The following LAMB4 variants were observed in gnomAD, a reference collection of about 807,000 sequenced individuals.
LAMB4 encodes the protein laminin subunit beta 4.
A neutral mutation model predicts 199.2 loss-of-function variants in LAMB4; 196 were observed. The observed-to-expected ratio is 0.98, with a 90% CI of 0.88 to 1.11. The LOEUF (loss-of-function observed/expected upper bound fraction) is 1.11. Ranked by LOEUF, LAMB4 falls within the 50% of genes least tolerant of loss-of-function variation. The pLI, the probability that LAMB4 is intolerant of heterozygous loss-of-function variation, is 0.00. For missense variants in LAMB4, 2,080 were observed against 2,171.2 expected, an observed-to-expected ratio of 0.96 and a Z score of 0.83; for synonymous variants, 744 against 770.6, an observed-to-expected ratio of 0.97 and a Z score of 0.57.
rs1459291337 is a variant in LAMB4, at chr7:108,098,523, G to T, written c.1240C>A (p.Pro414Thr). 6 of 1,613,750 alleles carry T rather than the reference G, an allele frequency of 3.7e-6. No homozygotes were observed. The highest frequency in any genetic ancestry group is 4.2e-6 in the Non-Finnish European group (5 of 1,179,996). The change falls in exon 11 of 34, where the codon CCT (proline) becomes ACT (threonine). Residue 414 changes from proline to threonine, a missense_variant. Pro to Thr is a conservative substitution (Grantham distance 38). Coordinates refer to ENST00000388781, the MANE Select transcript of LAMB4 (RefSeq NM_007356.3). ...TGGCCGGCCACAGACCCTAAGGCAG[G>T]ATCAGAGTGGCTCACACAAATGCCA... ...SGGICVSHSD[P>T]ALGSVAGQCL...
At chr7:108,038,305 A>G (rs556811623) in intron 29 of LAMB4, among the ~76,000 whole-genome samples, 2 of 152,116 alleles carry the variant, frequency 1.3e-5, no homozygotes, top group East Asian at 1.9e-4. Context: ...GATTACAGGT[A>G]TGCACCACCA....
chr7:108,078,379 A>C, intron 15 of LAMB4, 63 bp from the exon 16 acceptor site: 1 of 1,008,496 alleles, frequency 9.9e-7, no homozygotes, highest in Non-Finnish European at 1.5e-6. Context: ...TTGCACGTAC[A>C]CACATATAGC....
chr7:108,018,543 T>G, the LAMB4 span, among the ~76,000 whole-genome samples: 1 of 152,032 alleles, frequency 6.6e-6, no homozygotes, highest in South Asian at 2.1e-4. Context: ...ATCAAGACCA[T>G]CCTGGCTAAC....
chr7:108,059,096 A>AATT, intron 23 of LAMB4, among the ~76,000 whole-genome samples: 1 of 126,040 alleles, frequency 7.9e-6, no homozygotes, highest in South Asian at 2.4e-4. Flanking sequence ...ACAATCTGCC[A>AATT]CTTTTTTTTT....
chr7:108,058,444 A>G (rs2036055854), intron 23 of LAMB4, among the ~76,000 whole-genome samples: 1 of 152,232 alleles, frequency 6.6e-6, no homozygotes, highest in South Asian at 2.1e-4. Context: ...TGTGTTTTTC[A>G]GAGAGGGCTG....
intron 25 of LAMB4, among the ~76,000 whole-genome samples, chr7:108,055,217 A>G (rs928082542): frequency 6.9e-6 from 1 of 145,824 alleles, no homozygotes; most frequent in Non-Finnish European, 1.5e-5. Flanking sequence ...ACAGAGTTTC[A>G]CTCTTGTCGC....
chr7:108,096,596 T>A (rs1281737160), intron 11 of LAMB4, among the ~76,000 whole-genome samples: 1 of 151,988 alleles, frequency 6.6e-6, no homozygotes, highest in Non-Finnish European at 1.5e-5. Context: ...ATTATTGAAT[T>A]GTTTACAGGG....
intron 7 of LAMB4, 76 bp downstream of exon 7, chr7:108,106,433 G>T: frequency 1.2e-6 from 1 of 819,918 alleles, no homozygotes; most frequent in Non-Finnish European, 1.9e-6. Context: ...AAAAAAAAAA[G>T]AAAAGCAATT....
intron 10 of LAMB4, among the ~76,000 whole-genome samples, chr7:108,099,607 T>C (rs555255143): frequency 2.0e-5 from 3 of 152,342 alleles, no homozygotes; most frequent in South Asian, 4.1e-4. Flanking sequence ...TGTACCTTTG[T>C]GGTTCTGTGT....
downstream of LAMB4, among the ~76,000 whole-genome samples, chr7:108,020,068 C>T (rs961422948): frequency 2.0e-4 from 30 of 152,156 alleles, no homozygotes; most frequent in African/African-American, 6.5e-4. Context: ...TCTCTGACTC[C>T]TCCCCTCACT....
In LAMB4 at chr7:108,078,299, A is replaced by T; in HGVS notation, c.1905T>A (p.Thr635=). ...HYETQSAADW[T]VQIVVNPPGG... ...CAGGGGGGTTCACCACAATCTGGAC[A>T]GTCCAGTCAGCTGCAGACTAGACAG... The change falls in exon 16 of 34, where the codon ACT becomes ACA. Residue 635 remains threonine, a synonymous_variant. Coordinates refer to ENST00000388781, the MANE Select transcript of LAMB4 (RefSeq NM_007356.3). The T allele has an allele frequency of 6.2e-7, 1 of 1,604,976 alleles. No homozygotes were observed. The highest frequency in any genetic ancestry group is 1.1e-5 in the South Asian group (1 of 89,322).
At chr7:108,046,292 T>C (rs951832234) in intron 28 of LAMB4, among the ~76,000 whole-genome samples, 50 of 150,684 alleles carry the variant, frequency 3.3e-4, no homozygotes, top group African/African-American at 1.1e-3. Flanking sequence ...GGTTTCACCA[T>C]GTTGGCCAGG....
At chr7:108,015,108 T>A in the LAMB4 span, among the ~76,000 whole-genome samples, 2 of 152,206 alleles carry the variant, frequency 1.3e-5, no homozygotes, top group African/African-American at 4.8e-5. Context: ...TACACTGATC[T>A]GTAAAAAAAT....
intron 33 of LAMB4, 24 bp downstream of exon 33, chr7:108,029,019 C>T (rs998951950): frequency 6.3e-7 from 1 of 1,599,668 alleles, no homozygotes; most frequent in African/African-American, 1.3e-5. Context: ...ATCAAATTGG[C>T]AGGATGGATA....
intron 11 of LAMB4, among the ~76,000 whole-genome samples, chr7:108,097,388 C>T (rs868111322): frequency 9.2e-5 from 14 of 152,214 alleles, no homozygotes; most frequent in African/African-American, 3.1e-4. Flanking sequence ...TTTCTATTTC[C>T]GCTCCCCCGC....
At chr7:108,126,554 C>CTTTTTTTTTTTTTTTTTT (rs71137605) in intron 1 of LAMB4, among the ~76,000 whole-genome samples, 1 of 83,520 alleles carries the variant, frequency 1.2e-5, no homozygotes, top group Non-Finnish European at 2.0e-5. Flanking sequence ...GAATTTCTTT[C>CTTTTTTTTTTTTTTTTTT]TTTTTTTTTT....
At chr7:108,086,422 G>A (rs1199190206) in intron 14 of LAMB4, among the ~76,000 whole-genome samples, 1 of 152,060 alleles carries the variant, frequency 6.6e-6, no homozygotes, top group Non-Finnish European at 1.5e-5. Context: ...ATCTAAGACA[G>A]TGACACTGTA....
At position 108,084,332 on chromosome 7, in the gene LAMB4, A is replaced by G. The variant is rs2037079656; in HGVS notation, c.1702-4546T>C. 2.0e-5 allele frequency among the ~76,000 whole-genome samples: 3 copies of G among 152,218 alleles called. No homozygotes were observed. In the South Asian group the frequency reaches 6.2e-4, roughly 32 times the overall value. ...GCCTGCATGGAGTGAACTTAATGTA[A>G]GAAGCAAATGGACAGGGCCAGCTTC... On this transcript the variant is annotated intron_variant, in intron 14 of 33. Coordinates refer to ENST00000388781, the MANE Select transcript of LAMB4 (RefSeq NM_007356.3).
intron 22 of LAMB4, 37 bp downstream of exon 22, chr7:108,063,724 G>T: frequency 6.5e-7 from 1 of 1,532,926 alleles, no homozygotes; most frequent in Non-Finnish European, 9.0e-7. Context: ...CTGTCACTCA[G>T]CTGACACATT....
Sources: gnomAD v4.1 joint callset for allele counts (sites outside exome capture counted in the v4.1 genomes callset) on GRCh38, gnomAD v4.1.1 for gene constraint, MANE v1.5 for transcripts, NCBI Gene and HGNC (gene_info 2026-07-23, HGNC 2026-07-21) for gene names.